The following PUDP variants were observed in gnomAD, a reference collection of about 807,000 sequenced individuals.
The protein encoded by PUDP is pseudouridine-5'-phosphatase.
In PUDP, 8 loss-of-function variants were observed where a neutral mutation model predicts 9.4. The observed-to-expected ratio is 0.85, with a 90% CI of 0.50 to 1.53. PUDP has a LOEUF of 1.53. Ranked by LOEUF, PUDP falls within the 40% of genes most tolerant of loss-of-function variation. The pLI is 0.00. For synonymous variants in PUDP, 99 were observed against 80.7 expected, an observed-to-expected ratio of 1.23 and a Z score of -1.22; for missense variants, 188 against 189.7, an observed-to-expected ratio of 0.99 and a Z score of 0.05.
chrX:6,899,326 G>A (rs745356758), intron 3 of PUDP, among the ~76,000 whole-genome samples: 4 of 112,854 alleles, frequency 3.5e-5, no homozygotes, highest in Non-Finnish European at 7.5e-5. Context: ...GCTTACGCCT[G>A]TCATCCCAGC....
chrX:6,895,096 C>T (rs1927569725), intron 3 of PUDP, among the ~76,000 whole-genome samples: 1 of 109,665 alleles, frequency 9.1e-6, no homozygotes, highest in South Asian at 3.9e-4. Context: ...GACTGTCGGT[C>T]CTGAGGAGGT....
chrX:6,953,896 G>A (rs1928588529), intron 3 of PUDP, among the ~76,000 whole-genome samples: 1 of 111,131 alleles, frequency 9.0e-6, no homozygotes, highest in Non-Finnish European at 1.9e-5. Flanking sequence ...TGTCATGGGA[G>A]GGACCTGGTG....
intron 3 of PUDP, among the ~76,000 whole-genome samples, chrX:6,747,928 T>A (rs1925019978): frequency 8.9e-6 from 1 of 112,008 alleles, no homozygotes; most frequent in Admixed American, 9.5e-5. Flanking sequence ...GTGAAGATGT[T>A]CTATGAAAAT....
intron 3 of PUDP, among the ~76,000 whole-genome samples, chrX:7,068,629 C>T (rs764850533): frequency 8.9e-6 from 1 of 112,093 alleles, no homozygotes; most frequent in South Asian, 3.8e-4. Context: ...TGGCTGCAGA[C>T]GGCATGTGAG....
chrX:6,959,538 A>G (rs775270008), intron 3 of PUDP, among the ~76,000 whole-genome samples: 23 of 112,564 alleles, frequency 2.0e-4, no homozygotes, highest in Non-Finnish European at 3.8e-5. Flanking sequence ...AAGGATGTCA[A>G]TGACAACCTG....
At chrX:6,982,231 T>C (rs1025229588) in intron 1 of PUDP, among the ~76,000 whole-genome samples, 1 of 111,936 alleles carries the variant, frequency 8.9e-6, no homozygotes, top group African/African-American at 3.2e-5. Flanking sequence ...CCTAATGTGT[T>C]CCTCCTGCCA....
intron 3 of PUDP, among the ~76,000 whole-genome samples, chrX:6,876,637 TTA>T (rs770074122): frequency 7.7e-5 from 5 of 64,536 alleles, no homozygotes; most frequent in East Asian, 3.9e-4. Flanking sequence ...ACCTAAAATG[TTA>T]TGTGTGTGTG....
chrX:7,090,546 A>C (rs1931393540), intron 2 of PUDP, among the ~76,000 whole-genome samples: 1 of 112,360 alleles, frequency 8.9e-6, no homozygotes, highest in African/African-American at 3.2e-5. Context: ...AATTGCGCTT[A>C]CAATAGGCTG....
At chrX:7,146,301 T>C (rs900474379) in intron 1 of PUDP, among the ~76,000 whole-genome samples, 1 of 112,100 alleles carries the variant, frequency 8.9e-6, no homozygotes, top group East Asian at 2.8e-4. Context: ...GAATCAGAAT[T>C]AGGCACCAAG....
At chrX:6,751,429 C>T (rs1430294387) in intron 3 of PUDP, among the ~76,000 whole-genome samples, 1 of 111,319 alleles carries the variant, frequency 9.0e-6, no homozygotes, top group Admixed American at 9.5e-5. Context: ...GACATTTTGG[C>T]ACTAAGTTCT....
chrX:7,100,451 T>C (rs1931698922), intron 2 of PUDP, among the ~76,000 whole-genome samples: 1 of 112,139 alleles, frequency 8.9e-6, no homozygotes, highest in Non-Finnish European at 1.9e-5. Flanking sequence ...ACAGCTTTCT[T>C]TTCTAAAGAG....
intron 3 of PUDP, among the ~76,000 whole-genome samples, chrX:6,929,008 A>G (rs1014407504): frequency 1.8e-5 from 2 of 112,205 alleles, no homozygotes; most frequent in Admixed American, 9.4e-5. Context: ...ATGGTCCTAG[A>G]AAAACATGAT....
rs755409865 is a variant in PUDP, at chrX:7,132,409, T to C, written c.61+15644A>G. 4.5e-5 allele frequency among the ~76,000 whole-genome samples: 5 copies of C among 112,005 alleles called. 1 individual carries two copies. The East Asian group carries it at 1.1e-3, about 25-fold the overall frequency. ...AGCCATTTATTGTAACCACCTCTAC[T>C]GCTTGGCTACCTGTATTGCTCAATG... On this transcript the variant is annotated intron_variant, in intron 1 of 3. Transcript: ENST00000381077.
chrX:6,720,218 A>G (rs865984101), intron 1 of PUDP, among the ~76,000 whole-genome samples: 3 of 87,373 alleles, frequency 3.4e-5, no homozygotes, highest in East Asian at 6.9e-4. Context: ...GTATATATAT[A>G]TGTGTATATA....
At chrX:6,926,376 A>G (rs1928101905) in intron 3 of PUDP, among the ~76,000 whole-genome samples, 1 of 112,198 alleles carries the variant, frequency 8.9e-6, no homozygotes, top group African/African-American at 3.2e-5. Context: ...CTGAATAAAC[A>G]CACAATGCAA....
chrX:6,831,438 C>T (rs1328394410), intron 3 of PUDP, among the ~76,000 whole-genome samples: 1 of 112,053 alleles, frequency 8.9e-6, no homozygotes, highest in African/African-American at 3.2e-5. Flanking sequence ...AAGTTCCTCC[C>T]AAAGTTAGTT....
chrX:6,812,445 T>C (rs1926159403), intron 3 of PUDP, among the ~76,000 whole-genome samples: 1 of 112,251 alleles, frequency 8.9e-6, no homozygotes, highest in African/African-American at 3.2e-5. Flanking sequence ...AAGACATCTA[T>C]TTACCTGTTA....
rs150574481 is a variant in PUDP, at chrX:6,872,346, G to A, written c.*247+104787C>T. Among the ~76,000 whole-genome samples the A allele has an allele frequency of 3.8e-3, 418 of 111,211 alleles. 3 individuals carry two copies. Among genetic ancestry groups the A allele is most frequent in the African/African-American group, 0.013 (395 of 30,608 alleles). On this transcript the variant is annotated intron_variant and NMD_transcript_variant, in intron 3 of 3. Coordinates refer to the PUDP transcript ENST00000655425. ...CTTCCCTTTTTATAAGGACACCAGTGTTATTCGATTAGGATCCACCTTAAT... is the reference window on the plus strand; with the variant it reads ...CTTCCCTTTTTATAAGGACACCAGTATTATTCGATTAGGATCCACCTTAAT...
intron 1 of PUDP, among the ~76,000 whole-genome samples, chrX:7,146,452 G>A (rs1932861599): frequency 9.0e-6 from 1 of 111,619 alleles, no homozygotes; most frequent in Non-Finnish European, 1.9e-5. Context: ...TTGACCACCG[G>A]AGTAGGAAAA....
Sources: gnomAD v4.1 joint callset for allele counts (sites outside exome capture counted in the v4.1 genomes callset) on GRCh38, gnomAD v4.1.1 for gene constraint, MANE v1.5 for transcripts, NCBI Gene and HGNC (gene_info 2026-07-23, HGNC 2026-07-21) for gene names.